SCUBE1: variants seen among roughly 807,000 people sequenced by gnomAD.
SCUBE1 encodes signal peptide, CUB and EGF-like domain-containing protein 1.
SCUBE1 carries 59 observed loss-of-function variants against 124.4 expected under a neutral mutation model. That is an observed-to-expected ratio of 0.47 (90% CI 0.38 to 0.59). The LOEUF (loss-of-function observed/expected upper bound fraction) is 0.59, where lower values mean the gene tolerates loss of function less well. Ranked by LOEUF, SCUBE1 falls within the 20% of genes least tolerant of loss-of-function variation. The pLI is 0.00. For synonymous variants in SCUBE1, 545 were observed against 550.9 expected, an observed-to-expected ratio of 0.99 and a Z score of 0.15; for missense variants, 1,150 against 1,371.2, an observed-to-expected ratio of 0.84 and a Z score of 2.55.
In SCUBE1 at chr22:43,209,985, G is replaced by A. The variant is rs1051386003; in HGVS notation, c.2581+58C>T. ...CGATCCCGCCTGGCAGAACCGCAGC[G>A]AGACGGGGGTGCACACGCAGCTGAG... On this transcript the variant is annotated intron_variant, in intron 19 of 21. Coordinates refer to ENST00000360835, the MANE Select transcript of SCUBE1 (RefSeq NM_173050.5). 8.7e-6 allele frequency: 13 copies of A among 1,494,720 alleles called. No individual in the cohort carries two copies. In the South Asian group the frequency reaches 1.0e-4, roughly 12 times the overall value. The allele number at this position is 1,494,720 out of a possible 1,614,324, so 92.6% of individuals were successfully genotyped here.
chr22:43,213,173 ATTC>A (rs1921646057), intron 16 of SCUBE1: 1 of 155,000 alleles, frequency 6.5e-6, no homozygotes, highest in African/African-American at 2.4e-5. Context: ...TGCAGAGAGT[ATTC>A]TGGCATTGAG....
At chr22:43,218,641 C>T (rs776201706) in intron 14 of SCUBE1, among the ~76,000 whole-genome samples, 183 bp from the exon 15 acceptor site, 27 of 152,224 alleles carry the variant, frequency 1.8e-4, no homozygotes, top group Admixed American at 3.3e-4. Flanking sequence ...AGGCTGCGGA[C>T]CTGGGAGGCA....
chr22:43,222,582 C>T (rs1380030107), intron 12 of SCUBE1, 56 bp downstream of exon 12: 5 of 1,331,026 alleles, frequency 3.8e-6, no homozygotes, highest in Non-Finnish European at 5.2e-6. Flanking sequence ...CAGCATGTTG[C>T]TGGATGCAGT....
In SCUBE1 at chr22:43,231,808, G is replaced by A. The variant is rs762597085; in HGVS notation, c.912C>T (p.Phe304=). The change falls in exon 8 of 22, where the codon TTC becomes TTT. Residue 304 remains phenylalanine (F), a synonymous_variant. Coordinates refer to ENST00000360835, the MANE Select transcript of SCUBE1 (RefSeq NM_173050.5). ...TGTAGCCCTTCCGGCAGCCGCACTC[G>A]AAGCTGCCCACGGTGTTGCGGCAGA... is the stretch of plus-strand genomic sequence containing the variant. ...DHFCRNTVGS[F]ECGCRKGYKL... is the part of the protein sequence containing the mutation. The A allele has an allele frequency of 2.5e-5, 40 of 1,612,886 alleles. No homozygotes were observed. Among genetic ancestry groups the A allele is most frequent in the African/African-American group, 4.0e-5 (3 of 74,922 alleles).
chr22:43,339,036 A>G, intron 2 of SCUBE1, 68 bp downstream of exon 2: 1 of 1,579,056 alleles, frequency 6.3e-7, no homozygotes, highest in Non-Finnish European at 8.7e-7. Flanking sequence ...TGAATGGGGC[A>G]GGCATCGGCC....
At chr22:43,308,834 C>T (rs919954707) in intron 3 of SCUBE1, among the ~76,000 whole-genome samples, 3 of 152,254 alleles carry the variant, frequency 2.0e-5, no homozygotes, top group African/African-American at 7.2e-5. Flanking sequence ...CTCAACTGAT[C>T]CTAACAGACA....
chr22:43,253,420 G>C (rs1205701043), intron 6 of SCUBE1, among the ~76,000 whole-genome samples: 1 of 152,298 alleles, frequency 6.6e-6, no homozygotes, highest in East Asian at 1.9e-4. Flanking sequence ...TTTGCTTCGT[G>C]TTGGAGGAAA....
In SCUBE1 at chr22:43,218,402, T is replaced by C. The variant is rs1601803959; in HGVS notation, c.1744A>G (p.Ile582Val). 6 of 1,613,426 alleles carry C rather than the reference T, an allele frequency of 3.7e-6. No homozygotes were observed. The highest frequency in any genetic ancestry group is 5.1e-6 in the Non-Finnish European group (6 of 1,180,038). The change falls in exon 15 of 22, where the codon ATC (isoleucine) becomes GTC (valine). Residue 582 changes from isoleucine to valine, a missense_variant. By Grantham distance (29) the Ile-to-Val change is conservative. This residue lies in a region of SCUBE1 where 757 missense variants were observed against 840.9 expected (regional missense o/e 0.90). Coordinates refer to ENST00000360835, the MANE Select transcript of SCUBE1 (RefSeq NM_173050.5). Reference protein sequence around the residue: ...KRAEQSLQAAIKTLRKSIGRQ... With the variant: ...KRAEQSLQAAVKTLRKSIGRQ... ...CCGATGGACTTGCGCAGGGTCTTGATGGCGGCCTGCAGGCTCTGTTCTGCT... is the reference window on the plus strand; with the variant it reads ...CCGATGGACTTGCGCAGGGTCTTGACGGCGGCCTGCAGGCTCTGTTCTGCT...
At chr22:43,241,123 C>T (rs1922987623) in intron 6 of SCUBE1, among the ~76,000 whole-genome samples, 2 of 152,170 alleles carry the variant, frequency 1.3e-5, no homozygotes, top group African/African-American at 4.8e-5. Context: ...CCTGAAGTCC[C>T]TAATGGGACT....
intron 3 of SCUBE1, among the ~76,000 whole-genome samples, chr22:43,304,588 GTGTGTGTGTGTGTC>G (rs1207606373): frequency 2.6e-5 from 4 of 151,924 alleles, no homozygotes; most frequent in Non-Finnish European, 2.9e-5. Flanking sequence ...GCGGTTGGTC[GTGTGTGTGTGTGTC>G]TGTGTGTGTG....
intron 4 of SCUBE1, among the ~76,000 whole-genome samples, chr22:43,266,411 T>A (rs6003129): frequency 0.2 from 30,134 of 152,054 alleles, 3,981 homozygotes; most frequent in African/African-American, 0.38. Context: ...ACTCATCAGC[T>A]CCTCTGTCAG....
rs199900285 is a variant in SCUBE1, at chr22:43,208,122, T to C, written c.2684A>G (p.Asn895Ser). The C allele has an allele frequency of 8.1e-6, 13 of 1,614,136 alleles. No homozygotes were observed. The highest frequency in any genetic ancestry group is 9.3e-6 in the Non-Finnish European group (11 of 1,180,004). ...GAAGCCTTTGCCGCTGTTGCCTTCATTGGATTTGAACTGGATCCAGAGCTT... is the reference window on the plus strand; with the variant it reads ...GAAGCCTTTGCCGCTGTTGCCTTCACTGGATTTGAACTGGATCCAGAGCTT... ...SRKLWIQFKS[N>S]EGNSGKGFQV... The change falls in exon 20 of 22, where the codon AAT becomes AGT. Residue 895 changes from asparagine (N) to serine (S), a missense_variant. This residue lies in a region of SCUBE1 where 757 missense variants were observed against 840.9 expected (regional missense o/e 0.90). Transcript: ENST00000360835.
chr22:43,302,789 G>C (rs1488168674), intron 3 of SCUBE1, among the ~76,000 whole-genome samples: 1 of 152,240 alleles, frequency 6.6e-6, no homozygotes, highest in African/African-American at 2.4e-5. Flanking sequence ...GAGAGGGAAG[G>C]AGGAAAACCA....
intron 15 of SCUBE1, among the ~76,000 whole-genome samples, chr22:43,214,936 G>A (rs779123072): frequency 1.1e-4 from 17 of 152,222 alleles, no homozygotes; most frequent in African/African-American, 3.9e-4. Context: ...ACCCTGAGGT[G>A]TGGAACGGGA....
intron 2 of SCUBE1, among the ~76,000 whole-genome samples, chr22:43,325,509 G>A (rs1050125872): frequency 2.0e-5 from 3 of 151,882 alleles, no homozygotes; most frequent in Non-Finnish European, 4.4e-5. Flanking sequence ...GAAAAGTGGG[G>A]AAGAGATTTC....
rs191588246 is a variant in SCUBE1, at chr22:43,256,742, T to C, written c.727+1477A>G. 2.3e-3 allele frequency among the ~76,000 whole-genome samples: 355 copies of C among 152,060 alleles called. 2 individuals carry two copies. The highest frequency in any genetic ancestry group is 8.3e-3 in the African/African-American group (342 of 41,428). Reference sequence around the variant, plus strand: ...GCCACAGAGCTGGCTCCAAGAGAGGTGGCAAACCCTGCGGAAGACCTTGAG... The same window carrying C: ...GCCACAGAGCTGGCTCCAAGAGAGGCGGCAAACCCTGCGGAAGACCTTGAG... On this transcript the variant is annotated intron_variant, in intron 6 of 21. Coordinates refer to ENST00000360835, the MANE Select transcript of SCUBE1 (RefSeq NM_173050.5).
intron 6 of SCUBE1, among the ~76,000 whole-genome samples, chr22:43,249,972 A>C (rs1923376214): frequency 6.6e-6 from 1 of 152,232 alleles, no homozygotes; most frequent in South Asian, 2.1e-4. Context: ...CAGTGCCCCA[A>C]CTGCGTCACA....
chr22:43,235,301 G>C lies in SCUBE1; in HGVS notation c.845-3426C>G, dbSNP rs76917667. Among the ~76,000 whole-genome samples the C allele has an allele frequency of 4.2e-3, 633 of 152,164 alleles. 4 individuals carry two copies. Among genetic ancestry groups the C allele is most frequent in the African/African-American group, 0.014 (592 of 41,514 alleles). On this transcript the variant is annotated intron_variant, in intron 7 of 21. Transcript: ENST00000360835. ...GGCAGGGCGATGGGGTGAGCTATAG[G>C]GACGCACAGGACACTGGTTCTGGCT...
chr22:43,210,205 C>T lies in SCUBE1; in HGVS notation c.2419G>A (p.Gly807Ser), dbSNP rs1197753480. ...HCGGELGDYT[G>S]YIESPNYPGD... ...GGGTAGTTGGGGGACTCGATGTAGC[C>T]GGTGTAGTCACCAAGCTCGCCGCCG... is the stretch of plus-strand genomic sequence containing the variant. Residue 807 changes from glycine (G) to serine (S), a missense_variant, in exon 19 of 22, where the codon GGC (glycine) becomes AGC (serine). Gly to Ser is a moderately conservative substitution (Grantham distance 56). This residue lies in a region of SCUBE1 where 757 missense variants were observed against 840.9 expected (regional missense o/e 0.90). Coordinates refer to ENST00000360835, the MANE Select transcript of SCUBE1 (RefSeq NM_173050.5). This position sits in a 1 kb window ranked among gnomAD's most constrained non-coding sequence, Gnocchi z 4.5. The T allele has an allele frequency of 3.2e-6, 5 of 1,584,896 alleles. No homozygotes were observed. Among genetic ancestry groups the T allele is most frequent in the African/African-American group, 1.3e-5 (1 of 74,398 alleles).
Sources: gnomAD v4.1 joint callset for allele counts (sites outside exome capture counted in the v4.1 genomes callset) on GRCh38, gnomAD v4.1.1 for gene constraint, gnomAD v4.1.1 regional missense constraint, Gnocchi (gnomAD v3.1) non-coding constraint, MANE v1.5 for transcripts, NCBI Gene and HGNC (gene_info 2026-07-23, HGNC 2026-07-21) for gene names.